DCC: variants seen among roughly 807,000 people sequenced by gnomAD.
The protein encoded by DCC is netrin receptor DCC.
A neutral mutation model predicts 172.5 loss-of-function variants in DCC; 58 were observed. The ratio of observed to expected loss-of-function variants is 0.34; its 90% CI spans 0.27 to 0.42. The LOEUF is 0.42. DCC is among the 10% of genes least tolerant of loss of function. DCC has a pLI of 1.00. For synonymous variants in DCC, 709 were observed against 644.5 expected (o/e 1.10, Z -1.52); for missense variants, 1,740 against 1,791.0 (o/e 0.97, Z 0.51).
intron 14 of DCC, among the ~76,000 whole-genome samples, chr18:53,335,803 A>G (rs1323112851): frequency 6.6e-6 from 1 of 152,186 alleles, no homozygotes; most frequent in Non-Finnish European, 1.5e-5. Context: ...TCACAGCTCC[A>G]CATAGCTGGG....
intron 1 of DCC, among the ~76,000 whole-genome samples, chr18:52,700,749 T>C (rs1405544551): frequency 2.0e-5 from 3 of 152,234 alleles, no homozygotes; most frequent in Admixed American, 6.5e-5. Context: ...GTTCTTACTT[T>C]GCCAACTGAC....
intron 1 of DCC, among the ~76,000 whole-genome samples, chr18:52,692,091 G>T (rs17756021): frequency 6.6e-6 from 1 of 152,108 alleles, no homozygotes; most frequent in Non-Finnish European, 1.5e-5. Context: ...AGCTTGTGGG[G>T]ATTGATAATA....
chr18:52,610,176 AAAATATATATATATATATATATATAT>A (rs1238972027), intron 1 of DCC, among the ~76,000 whole-genome samples: 47 of 12,428 alleles, frequency 3.8e-3, no homozygotes, highest in African/African-American at 0.016. Context: ...AAAAAAAAAA[AAAATATATATATATATATATATATAT>A]ATATATATAT....
At chr18:53,161,603 C>T (rs2054840638) in intron 8 of DCC, among the ~76,000 whole-genome samples, 1 of 152,112 alleles carries the variant, frequency 6.6e-6, no homozygotes, top group Non-Finnish European at 1.5e-5. Flanking sequence ...TTCTCAACAT[C>T]AATATCCCAC....
chr18:53,454,264 A>G (rs2045455488), intron 23 of DCC, among the ~76,000 whole-genome samples: 1 of 152,144 alleles, frequency 6.6e-6, no homozygotes, highest in African/African-American at 2.4e-5. Context: ...GGGATCACTT[A>G]AGCCTGGGAT....
intron 19 of DCC, among the ~76,000 whole-genome samples, chr18:53,405,611 G>C (rs1422752803): frequency 6.6e-6 from 1 of 152,030 alleles, no homozygotes; most frequent in African/African-American, 2.4e-5. Flanking sequence ...TACTCAAAAA[G>C]ATTAAACAAA....
chr18:53,095,414 A>G (rs2043071993), intron 7 of DCC, among the ~76,000 whole-genome samples: 1 of 152,250 alleles, frequency 6.6e-6, no homozygotes, highest in Non-Finnish European at 1.5e-5. Flanking sequence ...TGCTCTAAGA[A>G]CATGAAACAA....
At chr18:52,378,028 T>G (rs1424249360) in intron 1 of DCC, among the ~76,000 whole-genome samples, 1 of 152,004 alleles carries the variant, frequency 6.6e-6, no homozygotes, top group Admixed American at 6.6e-5. Flanking sequence ...CTTTTTTCCC[T>G]TGGTTTTCTA....
At position 52,532,957 on chromosome 18, in the gene DCC, C is replaced by T. The variant is rs142456286; in HGVS notation, c.91+192079C>T. Reference sequence around the variant, plus strand: ...GTAGTCAGACTCATTCCCACCACCTCTCACCACCCCAGTCCCTCTTCTACT... The same window carrying T: ...GTAGTCAGACTCATTCCCACCACCTTTCACCACCCCAGTCCCTCTTCTACT... On this transcript the variant is annotated intron_variant, in intron 1 of 28. Transcript: ENST00000442544. Among the ~76,000 whole-genome samples the T allele has an allele frequency of 4.5e-3, 683 of 152,222 alleles. 11 individuals carry two copies. The highest frequency in any genetic ancestry group is 0.016 in the African/African-American group (659 of 41,538).
intron 1 of DCC, among the ~76,000 whole-genome samples, chr18:52,524,144 T>G (rs894583955): frequency 3.3e-5 from 5 of 152,216 alleles, no homozygotes; most frequent in African/African-American, 1.2e-4. Context: ...AACTAGCTGC[T>G]TCTGAAAATT....
At chr18:52,916,416 G>GA (rs1348674999) in intron 3 of DCC, among the ~76,000 whole-genome samples, 1 of 152,154 alleles carries the variant, frequency 6.6e-6, no homozygotes, top group Non-Finnish European at 1.5e-5. Context: ...CTGCCACTGG[G>GA]AGCTTGACAG....
Position 52,367,208 on chromosome 18 carries a change from C to T in DCC, c.91+26330C>T, listed in dbSNP as rs1007590309. On this transcript the variant is annotated intron_variant, in intron 1 of 28. Transcript: ENST00000442544. ...GGCCGACTGCTCTGAGTGCGGGGCC[C>T]GCCAAGCCCACGCCCACCCGGAACT... Among the ~76,000 whole-genome samples the T allele has an allele frequency of 3.3e-5, 5 of 152,122 alleles. No homozygotes were observed. In the East Asian group the frequency reaches 5.8e-4, roughly 18 times the overall value.
chr18:52,531,117 G>A (rs1345385183), intron 1 of DCC, among the ~76,000 whole-genome samples: 1 of 152,172 alleles, frequency 6.6e-6, no homozygotes, highest in Non-Finnish European at 1.5e-5. Context: ...AGCAGGCATT[G>A]CTTATAAACA....
At chr18:52,849,156 A>G (rs1382897944) in intron 2 of DCC, among the ~76,000 whole-genome samples, 1 of 152,100 alleles carries the variant, frequency 6.6e-6, no homozygotes. Context: ...GTTGAAAATC[A>G]TATAGTTGGG....
intron 1 of DCC, among the ~76,000 whole-genome samples, chr18:52,671,014 A>G (rs981999040): frequency 3.3e-5 from 5 of 152,192 alleles, no homozygotes; most frequent in Non-Finnish European, 7.3e-5. Context: ...GGTCTTTGAC[A>G]TCGGAGTTTT....
intron 1 of DCC, among the ~76,000 whole-genome samples, chr18:52,728,855 T>C (rs931213568): frequency 1.3e-5 from 2 of 152,140 alleles, no homozygotes; most frequent in Admixed American, 1.3e-4. Context: ...CAAACAAGGA[T>C]TCGACAGCTG....
intron 13 of DCC, 58 bp from the exon 14 acceptor site, chr18:53,321,989 G>T (rs939223414): frequency 4.3e-5 from 40 of 925,910 alleles, no homozygotes; most frequent in Non-Finnish European, 7.1e-5. Flanking sequence ...TGGAAACCCA[G>T]GTAGGAATAC....
intron 1 of DCC, among the ~76,000 whole-genome samples, chr18:52,351,422 C>G (rs1342611122): frequency 7.4e-6 from 1 of 134,276 alleles, no homozygotes; most frequent in East Asian, 2.6e-4. Flanking sequence ...CATAGGCCAC[C>G]TTTTCCTTGA....
chr18:52,911,672 G>A (rs528572793), intron 3 of DCC, among the ~76,000 whole-genome samples: 11 of 151,802 alleles, frequency 7.2e-5, no homozygotes, highest in Admixed American at 3.9e-4. Flanking sequence ...CCCAAAAAAC[G>A]GAAGTGAACA....
Sources: gnomAD v4.1 joint callset for allele counts (sites outside exome capture counted in the v4.1 genomes callset) on GRCh38, gnomAD v4.1.1 for gene constraint, MANE v1.5 for transcripts, NCBI Gene and HGNC (gene_info 2026-07-23, HGNC 2026-07-21) for gene names.